Variants in PC observed in about 807,000 individuals in gnomAD.
The protein encoded by PC is pyruvate carboxylase, also known as pyruvate carboxylase, mitochondrial.
Under a neutral mutation model 107.8 loss-of-function variants are expected in PC, and 46 were observed. The ratio of observed to expected loss-of-function variants is 0.43; its 90% CI spans 0.34 to 0.55. The LOEUF is 0.55. Among genes scored for constraint, PC ranks in the 20% least tolerant of loss-of-function variants. PC has a pLI of 0.04. For missense variants in PC, 1,241 were observed against 1,643.1 expected, an observed-to-expected ratio of 0.76 and a Z score of 4.23; for synonymous variants, 662 against 684.7, an observed-to-expected ratio of 0.97 and a Z score of 0.52.
intron 10 of PC, among the ~76,000 whole-genome samples, chr11:66,867,240 G>T (rs1946534537): frequency 6.6e-6 from 1 of 152,146 alleles, no homozygotes. Flanking sequence ...ACAAAAATTA[G>T]CCAGGCCTGG....
intron 3 of PC, among the ~76,000 whole-genome samples, chr11:66,936,600 G>A (rs1034524791): frequency 6.6e-5 from 10 of 152,176 alleles, no homozygotes; most frequent in South Asian, 2.1e-4. Context: ...CTGACAGGTC[G>A]TTTGTGTATT....
chr11:66,889,371 A>G lies in PC; in HGVS notation c.1-17212T>C, dbSNP rs929512365. On this transcript the variant is annotated intron_variant, in intron 3 of 22. Coordinates refer to ENST00000393960, the MANE Select transcript of PC (RefSeq NM_001040716.2). ...CAATCTGACTTTCAGAAGTGTCCACATGTATTATTATTATTATTTGAGAGC... is the reference window on the plus strand; with the variant it reads ...CAATCTGACTTTCAGAAGTGTCCACGTGTATTATTATTATTATTTGAGAGC... 5.3e-5 allele frequency among the ~76,000 whole-genome samples: 8 copies of G among 151,878 alleles called. 1 individual carries two copies. In the South Asian group the frequency reaches 1.7e-3, roughly 32 times the overall value.
At chr11:66,937,092 T>C (rs947571374) in intron 3 of PC, among the ~76,000 whole-genome samples, 12 of 152,138 alleles carry the variant, frequency 7.9e-5, no homozygotes, top group Non-Finnish European at 1.8e-4. Context: ...GATCCACCCG[T>C]CTGGGCCTCC....
Position 66,916,445 on chromosome 11 carries a change from G to A in PC, c.-1+35985C>T, listed in dbSNP as rs75663717. Among the ~76,000 whole-genome samples the A allele has an allele frequency of 7.9e-5, 12 of 152,260 alleles. No homozygotes were observed. The East Asian group carries it at 1.2e-3, about 15-fold the overall frequency. On this transcript the variant is annotated intron_variant, in intron 3 of 22. Coordinates refer to ENST00000393960, the MANE Select transcript of PC (RefSeq NM_001040716.2). The stretch of plus-strand genomic sequence containing the variant: ...GAACAGGGTTAAGGAGGACTTCACC[G>A]TCTAAGCAGATCTGGCTTATAGGCA...
intron 3 of PC, among the ~76,000 whole-genome samples, chr11:66,877,319 G>C (rs1016279349): frequency 1.1e-4 from 16 of 152,204 alleles, no homozygotes; most frequent in African/African-American, 3.9e-4. Flanking sequence ...CTGTGAGGCG[G>C]AAGTTGCAGT....
At chr11:66,860,900 G>A (rs1227065443) in intron 12 of PC, among the ~76,000 whole-genome samples, 2 of 152,214 alleles carry the variant, frequency 1.3e-5, no homozygotes, top group Non-Finnish European at 2.9e-5. Flanking sequence ...CCTGGGCTGA[G>A]CGTACAGTGA....
chr11:66,957,677 G>A (rs1949599261), intron 1 of PC: 1 of 152,282 alleles, frequency 6.6e-6, no homozygotes, highest in African/African-American at 2.4e-5. Flanking sequence ...CTTGGCTTCC[G>A]ACTCTGATGC....
chr11:66,948,828 A>T (rs1949369786), intron 3 of PC, among the ~76,000 whole-genome samples: 1 of 152,190 alleles, frequency 6.6e-6, no homozygotes, highest in Admixed American at 6.6e-5. Flanking sequence ...TGACAGAATC[A>T]GACCGTCTCA....
At chr11:66,861,426 T>A (rs892851141) in intron 12 of PC, among the ~76,000 whole-genome samples, 7 of 152,226 alleles carry the variant, frequency 4.6e-5, no homozygotes, top group Admixed American at 2.6e-4. Context: ...GCCAAGGCGC[T>A]GCCACCGGGC....
chr11:66,915,687 A>C (rs926966367), intron 3 of PC, among the ~76,000 whole-genome samples: 1 of 152,066 alleles, frequency 6.6e-6, no homozygotes, highest in Non-Finnish European at 1.5e-5. Context: ...CAGGGGAGGG[A>C]CCACAGGCCT....
chr11:66,953,845 T>C (rs988091920), intron 2 of PC, among the ~76,000 whole-genome samples: 35 of 152,198 alleles, frequency 2.3e-4, no homozygotes, highest in African/African-American at 8.0e-4. Flanking sequence ...CTGGGCGTTA[T>C]TTCACCTCTC....
intron 3 of PC, among the ~76,000 whole-genome samples, chr11:66,906,707 C>G (rs565805253): frequency 5.9e-5 from 9 of 152,202 alleles, no homozygotes; most frequent in African/African-American, 1.9e-4. Flanking sequence ...ATCCCATGAC[C>G]TGGCAGGGAG....
intron 3 of PC, among the ~76,000 whole-genome samples, chr11:66,925,612 G>A (rs551681524): frequency 9.9e-5 from 15 of 152,146 alleles, no homozygotes; most frequent in Non-Finnish European, 1.9e-4. Flanking sequence ...AACAATTTGT[G>A]CAGTTAACAC....
intron 3 of PC, among the ~76,000 whole-genome samples, chr11:66,894,784 G>A (rs1947695015): frequency 6.6e-6 from 1 of 152,240 alleles, no homozygotes; most frequent in Non-Finnish European, 1.5e-5. Flanking sequence ...CACTTTGGGA[G>A]GCCAAGGCGG....
At chr11:66,940,904 C>T (rs747239105) in intron 3 of PC, among the ~76,000 whole-genome samples, 33 of 151,532 alleles carry the variant, frequency 2.2e-4, no homozygotes, top group Non-Finnish European at 4.3e-4. Flanking sequence ...CTGGCTAACA[C>T]GTCTCTACTA....
intron 3 of PC, among the ~76,000 whole-genome samples, chr11:66,936,310 A>G (rs1949003048): frequency 6.6e-6 from 1 of 152,112 alleles, no homozygotes. Flanking sequence ...TAAAAAAACT[A>G]TAAAGTGCTA....
rs1293161651 is a variant in PC, at chr11:66,848,532, G to A, written c.*367C>T. Reference sequence around the variant, plus strand: ...ACAGGATCCAGCATGGAGGGCAGGGGAAAGCCAGCTTTATTGAGTAAACTT... The same window carrying A: ...ACAGGATCCAGCATGGAGGGCAGGGAAAAGCCAGCTTTATTGAGTAAACTT... On this transcript the variant is annotated 3_prime_UTR_variant, in exon 23 of 23. Coordinates refer to ENST00000393960, the MANE Select transcript of PC (RefSeq NM_001040716.2). 8.5e-6 allele frequency: 5 copies of A among 591,172 alleles called. No homozygotes were observed. The highest frequency in any genetic ancestry group is 3.0e-6 in the Non-Finnish European group (1 of 332,936). The allele number at this position is 591,172 out of a possible 1,614,324, so 36.6% of individuals were successfully genotyped here.
chr11:66,869,296 CTG>C (rs1338146710), intron 9 of PC, among the ~76,000 whole-genome samples: 1 of 151,892 alleles, frequency 6.6e-6, no homozygotes, highest in African/African-American at 2.4e-5. Flanking sequence ...CCCGCCAAGG[CTG>C]TGTCATCCAC....
At chr11:66,952,983 CT>C (rs984822744) in intron 2 of PC, among the ~76,000 whole-genome samples, 6 of 152,228 alleles carry the variant, frequency 3.9e-5, no homozygotes, top group Non-Finnish European at 8.8e-5. Context: ...GTTTCCTCAT[CT>C]GTAAAATGGG....
Sources: allele counts gnomAD v4.1 joint callset (sites outside exome capture counted in the v4.1 genomes callset), GRCh38; gene constraint gnomAD v4.1.1; transcripts MANE v1.5; gene names NCBI Gene and HGNC (gene_info 2026-07-23, HGNC 2026-07-21).